Variants in AGO2 observed in about 807,000 individuals in gnomAD.
The protein encoded by AGO2 is protein argonaute-2.
A neutral mutation model predicts 102.3 loss-of-function variants in AGO2; 5 were observed. That is an observed-to-expected ratio of 0.05 (90% confidence interval 0.03 to 0.10). AGO2 has a LOEUF of 0.10. Among genes scored for constraint, AGO2 ranks in the 10% least tolerant of loss-of-function variants. The pLI, the probability that AGO2 is intolerant of heterozygous loss-of-function variation, is 1.00. For synonymous variants in AGO2, 449 were observed against 473.1 expected, an observed-to-expected ratio of 0.95 and a Z score of 0.66; for missense variants, 541 against 1,183.7, an observed-to-expected ratio of 0.46 and a Z score of 7.97.
At chr8:140,608,561 T>C (rs2074034940) in intron 1 of AGO2, among the ~76,000 whole-genome samples, 1 of 152,188 alleles carries the variant, frequency 6.6e-6, no homozygotes, top group African/African-American at 2.4e-5. Context: ...GGCGGGGACC[T>C]GAGCAGACAC....
chr8:140,628,728 G>A (rs1156709645), intron 1 of AGO2, among the ~76,000 whole-genome samples: 1 of 151,826 alleles, frequency 6.6e-6, no homozygotes, highest in Non-Finnish European at 1.5e-5. Flanking sequence ...CTGTGCCACT[G>A]CACTCTAGCC....
chr8:140,560,044 C>G (rs545029354), intron 5 of AGO2, among the ~76,000 whole-genome samples: 1 of 152,338 alleles, frequency 6.6e-6, no homozygotes, highest in South Asian at 2.1e-4. Context: ...ACTAAGCCTC[C>G]CAAGAGAGGG....
intron 6 of AGO2, 114 bp from the exon 7 acceptor site, chr8:140,558,686 G>T (rs1042939954): frequency 8.8e-7 from 1 of 1,135,096 alleles, no homozygotes; most frequent in Non-Finnish European, 1.3e-6. Flanking sequence ...GTTATGGGGG[G>T]CTGCAGGGCT....
intron 3 of AGO2, among the ~76,000 whole-genome samples, chr8:140,564,957 C>G (rs1345639812): frequency 6.7e-6 from 1 of 150,012 alleles, no homozygotes; most frequent in Non-Finnish European, 1.5e-5. Flanking sequence ...CATAGTGAAA[C>G]CTCGTCTCTA....
At chr8:140,580,501 G>T (rs2073540137) in intron 2 of AGO2, among the ~76,000 whole-genome samples, 1 of 152,212 alleles carries the variant, frequency 6.6e-6, no homozygotes, top group African/African-American at 2.4e-5. Flanking sequence ...GAGGAGCCCA[G>T]ACTCATGATG....
At position 140,532,599 on chromosome 8, in the gene AGO2, G is replaced by A; in HGVS notation, c.2288C>T (p.Ser763Leu). The A allele has an allele frequency of 1.2e-6, 2 of 1,614,238 alleles. No homozygotes were observed. Among genetic ancestry groups the A allele is most frequent in the Non-Finnish European group, 8.5e-7 (1 of 1,180,052 alleles). The part of the protein sequence containing the change: ...HAGIQGTSRP[S>L]HYHVLWDDNR... ...GTCGTCCCAGAGGACGTGATAGTGC[G>A]AAGGCCTGCTTGTCCCCTAAAGCAG... The change falls in exon 18 of 19, where the codon TCG becomes TTG. Residue 763 changes from serine to leucine, a missense_variant. Physicochemically the swap from Ser to Leu is moderately radical, Grantham distance 145. This residue lies in a region of AGO2 where 309 missense variants were observed against 735.1 expected (regional missense o/e 0.42). Coordinates refer to ENST00000220592, the MANE Select transcript of AGO2 (RefSeq NM_012154.5).
rs180684943 is a variant in AGO2 at position 140,539,968 on chromosome 8, T to C, written c.2035-514A>G. 6.6e-6 allele frequency among the ~76,000 whole-genome samples: 1 copy of C among 152,236 alleles called. No individual in the cohort carries two copies. The highest frequency in any genetic ancestry group is 1.9e-4 in the East Asian group (1 of 5,166). On this transcript the variant is annotated intron_variant, in intron 15 of 18. Coordinates refer to ENST00000220592, the MANE Select transcript of AGO2 (RefSeq NM_012154.5). This position sits in a 1 kb window ranked among gnomAD's most constrained non-coding sequence, Gnocchi z 4.7. Reference sequence around the variant, plus strand: ...TGGGCGTGGTGGTGGGCACCTGTCGTAATCCCAGCTACTCCGGAGGCAGAG... The same window carrying C: ...TGGGCGTGGTGGTGGGCACCTGTCGCAATCCCAGCTACTCCGGAGGCAGAG...
chr8:140,525,566 G>A lies in AGO2; in HGVS notation c.*6478C>T, dbSNP rs1326474283. 2.6e-5 allele frequency: 4 copies of A among 152,196 alleles called. No homozygotes were observed. Among genetic ancestry groups the A allele is most frequent in the African/African-American group, 9.7e-5 (4 of 41,404 alleles). 9.4% of individuals were successfully genotyped at this position (152,196 alleles called of 1,614,324 possible). ...CACGCAACGCAGCATAAAAAGCATCGAAACCCCAAACAGCAGAGTGTTAAA... is the reference window on the plus strand; with the variant it reads ...CACGCAACGCAGCATAAAAAGCATCAAAACCCCAAACAGCAGAGTGTTAAA... On this transcript the variant is annotated 3_prime_UTR_variant, in exon 19 of 19. Coordinates refer to ENST00000220592, the MANE Select transcript of AGO2 (RefSeq NM_012154.5).
chr8:140,537,242 G>A (rs2072714130), intron 16 of AGO2, among the ~76,000 whole-genome samples: 1 of 151,966 alleles, frequency 6.6e-6, no homozygotes, highest in South Asian at 2.1e-4. Flanking sequence ...TGTGAACTCA[G>A]CTATTTGTAG....
At chr8:140,576,647 C>T (rs375627543) in intron 2 of AGO2, among the ~76,000 whole-genome samples, 18 of 152,164 alleles carry the variant, frequency 1.2e-4, no homozygotes, top group East Asian at 7.7e-4. Flanking sequence ...GGGAAATGCT[C>T]TCTTCTACGA....
At chr8:140,600,478 C>T (rs537778040) in intron 1 of AGO2, among the ~76,000 whole-genome samples, 7 of 152,154 alleles carry the variant, frequency 4.6e-5, no homozygotes, top group Non-Finnish European at 8.8e-5. Context: ...GTCGGGAGTT[C>T]GAGACCAGCC....
intron 1 of AGO2, chr8:140,626,422 G>A (rs2074278037): frequency 6.6e-6 from 1 of 152,240 alleles, no homozygotes. Flanking sequence ...CCTACTGCCA[G>A]GCAGAGTAAC....
intron 1 of AGO2, among the ~76,000 whole-genome samples, chr8:140,598,004 A>G (rs972335264): frequency 3.3e-5 from 5 of 152,222 alleles, no homozygotes; most frequent in African/African-American, 1.2e-4. Context: ...GCTGGGCTGT[A>G]GGGCGCACAG....
At chr8:140,551,188 AC>A (rs764865939) in intron 11 of AGO2, 114 bp downstream of exon 11, 74 of 1,256,986 alleles carry the variant, frequency 5.9e-5, no homozygotes, top group Non-Finnish European at 7.5e-5. Flanking sequence ...TGACATCAAA[AC>A]CCATACCAGC....
chr8:140,583,698 A>G (rs1389629798), intron 2 of AGO2, among the ~76,000 whole-genome samples: 1 of 152,134 alleles, frequency 6.6e-6, no homozygotes, highest in Non-Finnish European at 1.5e-5. Context: ...ATATGGTGAA[A>G]TCCTGTCTCT....
At chr8:140,550,763 C>T (rs1564080977) in intron 11 of AGO2, among the ~76,000 whole-genome samples, 1 of 152,272 alleles carries the variant, frequency 6.6e-6, no homozygotes, top group South Asian at 2.1e-4. Flanking sequence ...ACTACAGGTG[C>T]ACCACCACGC....
chr8:140,551,281 C>G (rs1173247549), intron 11 of AGO2, 22 bp downstream of exon 11: 1 of 1,498,094 alleles, frequency 6.7e-7, no homozygotes, highest in Non-Finnish European at 9.0e-7. Flanking sequence ...CAGGCCGGAG[C>G]CTCTGCCTGT....
intron 3 of AGO2, among the ~76,000 whole-genome samples, chr8:140,566,547 T>C (rs1326634936): frequency 1.3e-5 from 2 of 151,256 alleles, no homozygotes; most frequent in Non-Finnish European, 2.9e-5. Context: ...ACATTTGGCA[T>C]AACACTGGCA....
At chr8:140,569,277 T>TA (rs997479132) in intron 3 of AGO2, among the ~76,000 whole-genome samples, 2 of 152,232 alleles carry the variant, frequency 1.3e-5, no homozygotes, top group African/African-American at 4.8e-5. Context: ...GGGTCTGCTA[T>TA]TGTTCTGAGC....
Sources: gnomAD v4.1 joint callset for allele counts (sites outside exome capture counted in the v4.1 genomes callset) on GRCh38, gnomAD v4.1.1 for gene constraint, gnomAD v4.1.1 regional missense constraint, Gnocchi (gnomAD v3.1) non-coding constraint, MANE v1.5 for transcripts, NCBI Gene and HGNC (gene_info 2026-07-23, HGNC 2026-07-21) for gene names.